Variants in RCAN2 observed in about 807,000 individuals in gnomAD.
RCAN2 encodes the protein calcipressin-2.
Under a neutral mutation model 23.6 loss-of-function variants are expected in RCAN2, and 9 were observed. The ratio of observed to expected loss-of-function variants is 0.38; its 90% CI spans 0.23 to 0.67. The LOEUF is 0.67. RCAN2 is among the 30% of genes least tolerant of loss of function. The pLI, the probability that RCAN2 is intolerant of heterozygous loss-of-function variation, is 0.51. For missense variants in RCAN2, 273 were observed against 302.3 expected (o/e 0.90, Z 0.72); for synonymous variants, 109 against 115.7 (o/e 0.94, Z 0.37).
intron 2 of RCAN2, among the ~76,000 whole-genome samples, chr6:46,289,708 G>T (rs989059405): frequency 6.6e-6 from 1 of 152,086 alleles, no homozygotes; most frequent in East Asian, 1.9e-4. Flanking sequence ...TCTATATTAA[G>T]GTAACTAACT....
chr6:46,401,141 T>C (rs1224295844), intron 2 of RCAN2, among the ~76,000 whole-genome samples: 1 of 152,178 alleles, frequency 6.6e-6, no homozygotes, highest in Non-Finnish European at 1.5e-5. Context: ...CCACAGTGGG[T>C]TGAACATTCT....
chr6:46,361,921 A>G (rs1004979363), intron 2 of RCAN2, among the ~76,000 whole-genome samples: 1 of 152,234 alleles, frequency 6.6e-6, no homozygotes, highest in Non-Finnish European at 1.5e-5. Flanking sequence ...AACTTTTCAA[A>G]CATCTATCAT....
At chr6:46,325,548 G>C in intron 2 of RCAN2, 1 of 1,599,152 alleles carries the variant, frequency 6.3e-7, no homozygotes, top group Non-Finnish European at 8.5e-7. Flanking sequence ...AGAGCTTCCA[G>C]ATGGATATTG....
At chr6:46,286,626 G>A in intron 2 of RCAN2, among the ~76,000 whole-genome samples, 1 of 152,166 alleles carries the variant, frequency 6.6e-6, no homozygotes, top group East Asian at 1.9e-4. Context: ...GTAAAGACAT[G>A]TACAGAACTT....
chr6:46,325,676 C>A lies in RCAN2; in HGVS notation c.226-76780G>T, dbSNP rs1763774100. On this transcript the variant is annotated intron_variant, in intron 2 of 4. Transcript: ENST00000371374. The stretch of plus-strand genomic sequence containing the variant: ...TGAGGCAGCACAGCAGAGTAACGAA[C>A]GGCCCGGCTCGCTCATGGCAATGAC... The A allele has an allele frequency of 9.5e-6, 13 of 1,374,854 alleles. 1 individual carries two copies. Among genetic ancestry groups the A allele is most frequent in the Non-Finnish European group, 1.2e-5 (13 of 1,066,684 alleles). 85.2% of individuals were successfully genotyped at this position (1,374,854 alleles called of 1,614,324 possible).
chr6:46,341,029 G>C (rs1764303766), intron 2 of RCAN2, among the ~76,000 whole-genome samples: 1 of 151,950 alleles, frequency 6.6e-6, no homozygotes, highest in Non-Finnish European at 1.5e-5. Context: ...AAGCAAAACT[G>C]GTAAAATGAA....
intron 2 of RCAN2, among the ~76,000 whole-genome samples, chr6:46,302,327 T>C (rs563080342): frequency 1.2e-3 from 178 of 152,196 alleles, no homozygotes; most frequent in Non-Finnish European, 1.9e-3. Flanking sequence ...ATGAATGCTA[T>C]ATTAGACATC....
intron 2 of RCAN2, among the ~76,000 whole-genome samples, chr6:46,371,927 T>TG (rs1187706711): frequency 6.6e-6 from 1 of 152,208 alleles, no homozygotes; most frequent in East Asian, 1.9e-4. Flanking sequence ...GGAGATCTCT[T>TG]GTTGATCATT....
Position 46,443,607 on chromosome 6 carries a change from C to T in RCAN2, c.225+13145G>A, listed in dbSNP as rs146533042. Among the ~76,000 whole-genome samples the T allele has an allele frequency of 4.9e-3, 750 of 152,134 alleles. 6 individuals are homozygous for T. Among genetic ancestry groups the T allele is most frequent in the African/African-American group, 0.017 (708 of 41,514 alleles). On this transcript the variant is annotated intron_variant, in intron 2 of 4. Transcript: ENST00000371374. ...GACACTTCTAATTTTTTTATTCACTCGGCTTGCTAAATGAGTCAGTCCCCT... is the reference window on the plus strand; with the variant it reads ...GACACTTCTAATTTTTTTATTCACTTGGCTTGCTAAATGAGTCAGTCCCCT...
At chr6:46,383,606 G>A (rs1334910517) in intron 2 of RCAN2, among the ~76,000 whole-genome samples, 1 of 152,064 alleles carries the variant, frequency 6.6e-6, no homozygotes, top group Non-Finnish European at 1.5e-5. Flanking sequence ...AAGCTGCATT[G>A]TGCAATATGG....
chr6:46,224,726 G>A (rs1765590531), intron 4 of RCAN2, among the ~76,000 whole-genome samples: 1 of 152,040 alleles, frequency 6.6e-6, no homozygotes, highest in Non-Finnish European at 1.5e-5. Context: ...CACTAATTAT[G>A]TGCTACTGTG....
At chr6:46,303,202 C>A (rs557213949) in intron 2 of RCAN2, among the ~76,000 whole-genome samples, 1 of 151,762 alleles carries the variant, frequency 6.6e-6, no homozygotes, top group African/African-American at 2.4e-5. Flanking sequence ...CTGGGTCCTG[C>A]GTTCCTTAGT....
chr6:46,353,852 T>C (rs1396456629), intron 2 of RCAN2, among the ~76,000 whole-genome samples: 3 of 152,218 alleles, frequency 2.0e-5, no homozygotes, highest in African/African-American at 7.2e-5. Flanking sequence ...TAATTATGCA[T>C]GCAAGAAGTA....
chr6:46,386,124 G>A (rs1051976650), intron 2 of RCAN2, among the ~76,000 whole-genome samples: 1 of 152,004 alleles, frequency 6.6e-6, no homozygotes, highest in Non-Finnish European at 1.5e-5. Context: ...CTACCCTTCT[G>A]ACAAAGGTCT....
chr6:46,456,426 A>G (rs1366585317), intron 2 of RCAN2, among the ~76,000 whole-genome samples: 1 of 152,214 alleles, frequency 6.6e-6, no homozygotes, highest in Admixed American at 6.5e-5. Flanking sequence ...GGAAAAGGAA[A>G]CTTTTAGGAG....
chr6:46,263,450 AGAGT>A (rs1212301800), intron 2 of RCAN2, among the ~76,000 whole-genome samples: 20 of 130,718 alleles, frequency 1.5e-4, no homozygotes, highest in Admixed American at 2.3e-4. Flanking sequence ...GTGTCATCAG[AGAGT>A]GTGTGTGTGT....
intron 2 of RCAN2, among the ~76,000 whole-genome samples, chr6:46,279,841 T>C (rs1767842270): frequency 6.6e-6 from 1 of 152,174 alleles, no homozygotes; most frequent in African/African-American, 2.4e-5. Flanking sequence ...TATGAGAATT[T>C]AATGAGATAA....
At chr6:46,357,382 T>A (rs1764866034) in intron 2 of RCAN2, among the ~76,000 whole-genome samples, 1 of 152,208 alleles carries the variant, frequency 6.6e-6, no homozygotes, top group South Asian at 2.1e-4. Flanking sequence ...CTAAGATCAT[T>A]CATGAAATGA....
At chr6:46,229,841 G>C (rs537846475) in intron 4 of RCAN2, among the ~76,000 whole-genome samples, 1 of 152,320 alleles carries the variant, frequency 6.6e-6, no homozygotes, top group South Asian at 2.1e-4. Flanking sequence ...TCCTTTGGAG[G>C]AGAAGAGGTG....
Sources: allele counts gnomAD v4.1 joint callset (sites outside exome capture counted in the v4.1 genomes callset), GRCh38; gene constraint gnomAD v4.1.1; transcripts MANE v1.5; gene names NCBI Gene and HGNC (gene_info 2026-07-23, HGNC 2026-07-21).